ADH1C: variants seen among roughly 807,000 people sequenced by gnomAD.
ADH1C encodes the protein alcohol dehydrogenase 1C.
In ADH1C, 26 loss-of-function variants were observed where a neutral mutation model predicts 35.0. The observed-to-expected ratio is 0.74, with a 90% confidence interval of 0.54 to 1.03. The LOEUF (loss-of-function observed/expected upper bound fraction) is 1.03. Among genes scored for constraint, ADH1C ranks in the 50% least tolerant of loss-of-function variants. The probability of loss-of-function intolerance (pLI) is 0.00; values close to 1 mark genes in which losing one functional copy is unlikely to be tolerated. For synonymous variants in ADH1C, 170 were observed against 169.3 expected, an observed-to-expected ratio of 1.00 and a Z score of -0.03; for missense variants, 413 against 465.4, an observed-to-expected ratio of 0.89 and a Z score of 1.04.
chr4:99,342,736 C>A, intron 6 of ADH1C, 59 bp downstream of exon 6: 1 of 1,610,058 alleles, frequency 6.2e-7, no homozygotes, highest in South Asian at 1.1e-5. Context: ...TATTCTACTG[C>A]CTAAATGCAT....
At position 99,343,055 on chromosome 4, in the gene ADH1C, C is replaced by A. The variant is rs758427942; in HGVS notation, c.568G>T (p.Val190Phe). The A allele has an allele frequency of 2.5e-6, 4 of 1,603,752 alleles. No individual in the cohort carries two copies. Among genetic ancestry groups the A allele is most frequent in the Non-Finnish European group, 3.4e-6 (4 of 1,176,472 alleles). ...ACAGCACAGGTAGACCCTGGGGTGA[C>A]CTATGTTTTCAGAAAATGCAAAAAT... Reference protein sequence around the residue: ...GYGSAVKVAKVTPGSTCAVFG... With the variant: ...GYGSAVKVAKFTPGSTCAVFG... Residue 190 changes from valine to phenylalanine, a missense_variant and splice_region_variant, in exon 6 of 9, where the codon GTC becomes TTC. Coordinates refer to ENST00000515683, the MANE Select transcript of ADH1C (RefSeq NM_000669.5).
At position 99,347,633 on chromosome 4, in the gene ADH1C, T is replaced by C. The variant is rs558871612; in HGVS notation, c.120+112A>G. The C allele has an allele frequency of 3.7e-5, 43 of 1,152,368 alleles. No homozygotes were observed. In the South Asian group the frequency reaches 7.9e-4, roughly 21 times the overall value. 71.4% of individuals were successfully genotyped at this position (1,152,368 alleles called of 1,614,324 possible). ...CCTTGACAACAAATGTAATTTTATT[T>C]TCTGGATAATTATATAAAAAATACC... is the stretch of plus-strand genomic sequence containing the variant. On this transcript the variant is annotated intron_variant, in intron 2 of 8. Coordinates refer to ENST00000515683, the MANE Select transcript of ADH1C (RefSeq NM_000669.5).
At position 99,345,009 on chromosome 4, in the gene ADH1C, G is replaced by C; in HGVS notation, c.420C>G (p.His140Gln). The C allele has an allele frequency of 6.2e-7, 1 of 1,614,204 alleles. No homozygotes were observed. Among genetic ancestry groups the C allele is most frequent in the East Asian group, 2.2e-5 (1 of 44,878 alleles). ...GGGAGAAGGTGCTGACGCCGACGAA[G>C]TGGTGGATGGGCTTCCCGCTGCAGG... Reference protein sequence around the residue: ...RFTCSGKPIHHFVGVSTFSQY... With the variant: ...RFTCSGKPIHQFVGVSTFSQY... Residue 140 changes from histidine to glutamine, a missense_variant, in exon 5 of 9, where the codon CAC becomes CAG. Coordinates refer to ENST00000515683, the MANE Select transcript of ADH1C (RefSeq NM_000669.5).
Position 99,347,752 on chromosome 4 carries a change from C to A in ADH1C, c.113G>T (p.Arg38Leu), listed in dbSNP as rs768131391. 8 of 1,605,528 alleles carry A rather than the reference C, an allele frequency of 5.0e-6. No individual in the cohort carries two copies. Among genetic ancestry groups the A allele is most frequent in the East Asian group, 2.2e-5 (1 of 44,752 alleles). ...EVAPPKAHEV[R>L]IKMVAAGICR... is the part of the protein sequence containing the mutation. ...ATGGAAAAAGTATTTCACCTTAATG[C>A]GAACTTCATGAGCCTTAGGAGGTGC... The change falls in exon 2 of 9, where the codon CGC becomes CTC. Residue 38 changes from arginine (R) to leucine (L), a missense_variant. Coordinates refer to ENST00000515683, the MANE Select transcript of ADH1C (RefSeq NM_000669.5).
chr4:99,339,515 C>T (rs1056165214), intron 8 of ADH1C, 62 bp downstream of exon 8: 1 of 203,262 alleles, frequency 4.9e-6, no homozygotes, highest in Non-Finnish European at 6.5e-6. Flanking sequence ...AGACAACGCC[C>T]CCCCCCCCCC....
chr4:99,348,430 T>A (rs1363935609), intron 1 of ADH1C, among the ~76,000 whole-genome samples: 1 of 151,934 alleles, frequency 6.6e-6, no homozygotes, highest in Non-Finnish European at 1.5e-5. Flanking sequence ...TCCAGCTTCA[T>A]CCATGTCCCT....
At chr4:99,344,756 A>G (rs1400140623) in intron 5 of ADH1C, 106 bp downstream of exon 5, 1 of 1,429,050 alleles carries the variant, frequency 7.0e-7, no homozygotes, top group Non-Finnish European at 9.6e-7. Flanking sequence ...CTTAATCGAC[A>G]CTTCAAATCT....
intron 3 of ADH1C, among the ~76,000 whole-genome samples, chr4:99,345,866 G>A (rs62307318): frequency 0.079 from 12,083 of 152,164 alleles, 578 homozygotes; most frequent in South Asian, 0.1. Flanking sequence ...AAATTCGTCT[G>A]AAAATTTCTA....
At position 99,352,682 on chromosome 4, in the gene ADH1C, T is replaced by A; in HGVS notation, c.-7A>T. ...CTTTTCCTGCTGTGCTCATATTGATTCTGTCTTCTCTGCAGACCAGGAGGC... is the reference window on the plus strand; with the variant it reads ...CTTTTCCTGCTGTGCTCATATTGATACTGTCTTCTCTGCAGACCAGGAGGC... On this transcript the variant is annotated 5_prime_UTR_variant, in exon 1 of 9. Coordinates refer to ENST00000515683, the MANE Select transcript of ADH1C (RefSeq NM_000669.5). 6.2e-7 allele frequency: 1 copy of A among 1,613,146 alleles called. No homozygotes were observed. The highest frequency in any genetic ancestry group is 1.1e-5 in the South Asian group (1 of 90,984).
intron 5 of ADH1C, 94 bp from the exon 6 acceptor site, chr4:99,343,149 A>G: frequency 6.7e-7 from 1 of 1,492,076 alleles, no homozygotes; most frequent in Non-Finnish European, 9.1e-7. Flanking sequence ...GTTATCAAGA[A>G]CTACTCAGAC....
chr4:99,341,775 A>G (rs558151786), intron 6 of ADH1C, among the ~76,000 whole-genome samples: 50 of 152,284 alleles, frequency 3.3e-4, no homozygotes, highest in Non-Finnish European at 4.6e-4. Context: ...TGATATTTGT[A>G]ACTGTTTGAA....
At chr4:99,348,030 A>G (rs1402556502) in intron 1 of ADH1C, among the ~76,000 whole-genome samples, 184 bp from the exon 2 acceptor site, 2 of 152,236 alleles carry the variant, frequency 1.3e-5, no homozygotes, top group African/African-American at 4.8e-5. Flanking sequence ...GCAATAACAT[A>G]AGGAAAGATA....
chr4:99,337,710 T>C (rs1016331707), intron 8 of ADH1C, among the ~76,000 whole-genome samples: 1 of 152,080 alleles, frequency 6.6e-6, no homozygotes. Flanking sequence ...CTCGGAGTAA[T>C]CATGGTCAAT....
In ADH1C at chr4:99,342,792, T is replaced by C; in HGVS notation, c.828+3A>G. On this transcript the variant is annotated splice_donor_region_variant and intron_variant, in intron 6 of 8. Coordinates refer to ENST00000515683, the MANE Select transcript of ADH1C (RefSeq NM_000669.5). ...AAATTTCAGGGCATGTCACGGATCA[T>C]ACCATGGTGTCAAGCCGACCGATGA... 6.2e-7 allele frequency: 1 copy of C among 1,614,024 alleles called. No individual in the cohort carries two copies. The highest frequency in any genetic ancestry group is 8.5e-7 in the Non-Finnish European group (1 of 1,179,868).
intron 6 of ADH1C, among the ~76,000 whole-genome samples, chr4:99,342,026 AT>A (rs1349053504): frequency 4.2e-4 from 61 of 145,194 alleles, no homozygotes; most frequent in African/African-American, 1.2e-3. Flanking sequence ...AAAAAAAAAA[AT>A]AAATAAATAA....
intron 1 of ADH1C, among the ~76,000 whole-genome samples, chr4:99,350,165 A>T (rs1734641459): frequency 6.6e-6 from 1 of 152,192 alleles, no homozygotes; most frequent in Non-Finnish European, 1.5e-5. Context: ...CTTGGAAATA[A>T]AGTTCTAATA....
chr4:99,345,765 G>A (rs1449582182), intron 3 of ADH1C, among the ~76,000 whole-genome samples: 5 of 152,102 alleles, frequency 3.3e-5, no homozygotes, highest in East Asian at 3.8e-4. Flanking sequence ...AAGAGACTAG[G>A]TTTATCTTAA....
intron 8 of ADH1C, 117 bp downstream of exon 8, chr4:99,339,460 G>T: frequency 1.0e-6 from 1 of 953,680 alleles, no homozygotes; most frequent in Non-Finnish European, 1.5e-6. Flanking sequence ...GGAAAACCAA[G>T]GCACTGTAAT....
Position 99,338,393 on chromosome 4 carries a change from T to TTTTA in ADH1C, c.1103+1183_1103+1184insTAAA, listed in dbSNP as rs1334509876. ...TAATTAACCTTTGATGAATACTGTTTTCTATATATATATATATATATATAT... is the reference window on the plus strand; with the variant it reads ...TAATTAACCTTTGATGAATACTGTTTTTTATCTATATATATATATATATATATAT... On this transcript the variant is annotated intron_variant, in intron 8 of 8. Coordinates refer to ENST00000515683, the MANE Select transcript of ADH1C (RefSeq NM_000669.5). Among the ~76,000 whole-genome samples the TTTTA allele has an allele frequency of 4.0e-3, 294 of 73,076 alleles. 16 individuals carry two copies. The highest frequency in any genetic ancestry group is 8.1e-3 in the South Asian group (12 of 1,480). The allele number at this position is 73,076 out of a possible 152,430, so 47.9% of individuals were successfully genotyped here.
Sources: gnomAD v4.1 joint callset for allele counts (sites outside exome capture counted in the v4.1 genomes callset) on GRCh38, gnomAD v4.1.1 for gene constraint, MANE v1.5 for transcripts, NCBI Gene and HGNC (gene_info 2026-07-23, HGNC 2026-07-21) for gene names.